NT5C2: variants seen among roughly 807,000 people sequenced by gnomAD.
The protein encoded by NT5C2 is 5'-nucleotidase, cytosolic II.
Under a neutral mutation model 76.1 loss-of-function variants are expected in NT5C2, and 58 were observed. The observed-to-expected ratio is 0.76, with a 90% CI of 0.62 to 0.95. The LOEUF (loss-of-function observed/expected upper bound fraction) is 0.95, where lower values mean the gene tolerates loss of function less well. Among genes scored for constraint, NT5C2 ranks in the 40% least tolerant of loss-of-function variants. The probability of loss-of-function intolerance (pLI) is 0.00; values close to 1 mark genes in which losing one functional copy is unlikely to be tolerated. For synonymous variants in NT5C2, 229 were observed against 237.4 expected, an observed-to-expected ratio of 0.96 and a Z score of 0.32; for missense variants, 478 against 690.3, an observed-to-expected ratio of 0.69 and a Z score of 3.45.
intron 1 of NT5C2, among the ~76,000 whole-genome samples, chr10:103,187,315 G>T (rs901116009): frequency 1.3e-5 from 2 of 152,018 alleles, no homozygotes; most frequent in Non-Finnish European, 2.9e-5. Flanking sequence ...GGAGGCTGAG[G>T]CGGGTAGATT....
intron 3 of NT5C2, among the ~76,000 whole-genome samples, chr10:103,158,799 CAG>C (rs1418037886): frequency 7.1e-6 from 1 of 140,702 alleles, no homozygotes; most frequent in Middle Eastern, 3.5e-3. Flanking sequence ...GCCTGGGTGA[CAG>C]AGCGAGACTC....
chr10:103,159,271 A>G (rs1322930207), intron 3 of NT5C2, among the ~76,000 whole-genome samples: 1 of 151,538 alleles, frequency 6.6e-6, no homozygotes, highest in Non-Finnish European at 1.5e-5. Flanking sequence ...ACACACACAC[A>G]CACACACACA....
intron 3 of NT5C2, among the ~76,000 whole-genome samples, chr10:103,154,230 A>G (rs1467540902): frequency 6.6e-6 from 1 of 152,204 alleles, no homozygotes. Context: ...AAAATAAAAT[A>G]CATATACCTT....
intron 15 of NT5C2, among the ~76,000 whole-genome samples, chr10:103,092,814 T>C (rs956482189): frequency 3.3e-5 from 5 of 152,026 alleles, no homozygotes; most frequent in African/African-American, 1.2e-4. Context: ...CTAGGCATGG[T>C]TGGGGAAATA....
At position 103,161,762 on chromosome 10, in the gene NT5C2, A is replaced by T. The variant is rs146417564; in HGVS notation, c.101+13096T>A. Among the ~76,000 whole-genome samples, 103 of 152,300 alleles carry T rather than the reference A, an allele frequency of 6.8e-4. 1 individual carries two copies. The highest frequency in any genetic ancestry group is 2.4e-3 in the African/African-American group (98 of 41,570). ...AATGAAAAAAGAAAATACTATGCTA[A>T]GTGAAAGAAGTCAGACACAGAAGGC... On this transcript the variant is annotated intron_variant, in intron 3 of 18. Coordinates refer to ENST00000404739, the MANE Select transcript of NT5C2 (RefSeq NM_001351169.2).
intron 3 of NT5C2, among the ~76,000 whole-genome samples, chr10:103,166,717 A>G (rs1000994962): frequency 6.6e-6 from 1 of 152,082 alleles, no homozygotes; most frequent in African/African-American, 2.4e-5. Context: ...CAATGGCGCA[A>G]TCAAAACTCA....
At chr10:103,093,802 T>C in intron 14 of NT5C2, 170 bp downstream of exon 14, 1 of 560,698 alleles carries the variant, frequency 1.8e-6, no homozygotes, top group South Asian at 2.7e-5. Flanking sequence ...TACTAACAAC[T>C]GCTCAAACCC....
At chr10:103,134,297 T>C (rs1395212059) in intron 4 of NT5C2, among the ~76,000 whole-genome samples, 2 of 152,110 alleles carry the variant, frequency 1.3e-5, no homozygotes, top group Non-Finnish European at 2.9e-5. Context: ...AGTGGTTTCA[T>C]GGGCCAGGCC....
chr10:103,089,976 C>A, intron 18 of NT5C2, 68 bp from the exon 19 acceptor site: 2 of 1,305,572 alleles, frequency 1.5e-6, no homozygotes, highest in East Asian at 2.4e-5. Context: ...AAATCCTAAC[C>A]CCTCTCCTCT....
intron 4 of NT5C2, among the ~76,000 whole-genome samples, chr10:103,129,298 T>G (rs1367634601): frequency 1.4e-4 from 8 of 57,996 alleles, no homozygotes; most frequent in Admixed American, 8.2e-4. Context: ...GGGAGGGAGG[T>G]GGGGGGGTCA....
intron 3 of NT5C2, chr10:103,146,467 A>G (rs1335298211): frequency 4.1e-6 from 4 of 984,640 alleles, no homozygotes; most frequent in Non-Finnish European, 4.8e-6. Flanking sequence ...AAAATTTGCT[A>G]CAATCAAGAA....
At chr10:103,185,811 G>A (rs1285976411) in intron 1 of NT5C2, among the ~76,000 whole-genome samples, 1 of 151,940 alleles carries the variant, frequency 6.6e-6, no homozygotes, top group Non-Finnish European at 1.5e-5. Context: ...AATCGGAAAG[G>A]CATAAATAAC....
chr10:103,101,734 C>T (rs2069741559), intron 6 of NT5C2, among the ~76,000 whole-genome samples: 1 of 152,038 alleles, frequency 6.6e-6, no homozygotes, highest in Non-Finnish European at 1.5e-5. Context: ...ACAACTACTA[C>T]AAGAAAGGTG....
At chr10:103,127,955 A>C (rs1207931842) in intron 4 of NT5C2, among the ~76,000 whole-genome samples, 3 of 151,898 alleles carry the variant, frequency 2.0e-5, no homozygotes, top group African/African-American at 7.3e-5. Context: ...CAGCCTCCCA[A>C]AGTGCTGGGA....
At chr10:103,097,261 C>T (rs778143436) in intron 11 of NT5C2, 30 bp downstream of exon 11, 8 of 1,497,094 alleles carry the variant, frequency 5.3e-6, no homozygotes, top group Non-Finnish European at 7.4e-6. Flanking sequence ...AATTCCACTG[C>T]ATAAATAAAT....
At chr10:103,160,085 T>C (rs2084445346) in intron 3 of NT5C2, among the ~76,000 whole-genome samples, 1 of 152,164 alleles carries the variant, frequency 6.6e-6, no homozygotes, top group Non-Finnish European at 1.5e-5. Context: ...CAGAAATAAA[T>C]TCATACATCT....
chr10:103,188,289 T>A (rs377100189), intron 1 of NT5C2, among the ~76,000 whole-genome samples: 2 of 151,388 alleles, frequency 1.3e-5, no homozygotes, highest in East Asian at 3.9e-4. Flanking sequence ...ACCCAGGAGG[T>A]GGAAGTTGCA....
intron 3 of NT5C2, among the ~76,000 whole-genome samples, chr10:103,139,735 T>C (rs1455031389): frequency 2.0e-5 from 3 of 152,194 alleles, no homozygotes; most frequent in Non-Finnish European, 4.4e-5. Context: ...TACCTTGTTT[T>C]CTTTCTTCTT....
chr10:103,191,867 A>C lies in NT5C2; in HGVS notation c.-169+1369T>G, dbSNP rs565911893. On this transcript the variant is annotated intron_variant, in intron 1 of 18. Coordinates refer to ENST00000404739, the MANE Select transcript of NT5C2 (RefSeq NM_001351169.2). ...GCAATGGAAATGCACTTCAGAAATA[A>C]GTCTGTGTATGCTAGTATCAACCCT... Among the ~76,000 whole-genome samples the C allele has an allele frequency of 2.2e-3, 341 of 152,286 alleles. 4 individuals carry two copies. Among genetic ancestry groups the C allele is most frequent in the African/African-American group, 7.8e-3 (323 of 41,562 alleles).
Sources: gnomAD v4.1 joint callset for allele counts (sites outside exome capture counted in the v4.1 genomes callset) on GRCh38, gnomAD v4.1.1 for gene constraint, MANE v1.5 for transcripts, NCBI Gene and HGNC (gene_info 2026-07-23, HGNC 2026-07-21) for gene names.